Variants in GRM7 observed in about 807,000 individuals in gnomAD.
The protein encoded by GRM7 is metabotropic glutamate receptor 7.
GRM7 carries 35 observed loss-of-function variants against 84.5 expected under a neutral mutation model. That is an observed-to-expected ratio of 0.41 (90% CI 0.32 to 0.55). The LOEUF is 0.55. GRM7 is among the 20% of genes least tolerant of loss of function. GRM7 has a pLI of 0.19. For missense variants in GRM7, 1,003 were observed against 1,194.6 expected, an observed-to-expected ratio of 0.84 and a Z score of 2.36; for synonymous variants, 487 against 455.1, an observed-to-expected ratio of 1.07 and a Z score of -0.89.
chr3:7,481,041 C>G (rs1699108105), intron 7 of GRM7, among the ~76,000 whole-genome samples: 1 of 151,360 alleles, frequency 6.6e-6, no homozygotes, highest in Admixed American at 6.6e-5. Context: ...GGCCATTGGG[C>G]TACAAGATTT....
intron 1 of GRM7, among the ~76,000 whole-genome samples, chr3:7,131,731 C>A (rs1328220292): frequency 6.6e-6 from 1 of 152,092 alleles, no homozygotes; most frequent in African/African-American, 2.4e-5. Flanking sequence ...CCCGTCTCGG[C>A]CTCCCAACAT....
intron 5 of GRM7, among the ~76,000 whole-genome samples, chr3:7,433,550 A>G (rs1696919964): frequency 6.6e-6 from 1 of 152,196 alleles, no homozygotes; most frequent in South Asian, 2.1e-4. Context: ...ATATCGCCTT[A>G]CTTTGTTTCA....
intron 2 of GRM7, among the ~76,000 whole-genome samples, chr3:7,284,843 C>A (rs186403469): frequency 6.3e-4 from 96 of 152,080 alleles, no homozygotes; most frequent in African/African-American, 2.2e-3. Flanking sequence ...CAATAATAAT[C>A]ATGAAATGAA....
intron 4 of GRM7, among the ~76,000 whole-genome samples, chr3:7,345,508 T>A (rs1692850553): frequency 6.6e-6 from 1 of 152,060 alleles, no homozygotes; most frequent in Non-Finnish European, 1.5e-5. Flanking sequence ...GGTCTCGAAC[T>A]CCTGACGTCA....
intron 5 of GRM7, among the ~76,000 whole-genome samples, chr3:7,448,282 G>C (rs993173926): frequency 2.6e-5 from 4 of 151,702 alleles, no homozygotes; most frequent in Non-Finnish European, 5.9e-5. Context: ...GGATGGCTGG[G>C]TCAAATGGTA....
At chr3:6,868,144 A>G (rs17046203) in intron 1 of GRM7, among the ~76,000 whole-genome samples, 2,935 of 152,242 alleles carry the variant, frequency 0.019, 110 homozygotes, top group African/African-American at 0.067. Context: ...CCTGCAATGT[A>G]CATATTCTCA....
chr3:7,540,677 C>T (rs753237586), intron 7 of GRM7, among the ~76,000 whole-genome samples: 1 of 152,082 alleles, frequency 6.6e-6, no homozygotes, highest in African/African-American at 2.4e-5. Flanking sequence ...ATACTTTAAG[C>T]CACTGACTTA....
intron 1 of GRM7, among the ~76,000 whole-genome samples, chr3:7,099,090 G>A (rs146780059): frequency 1.5e-3 from 224 of 151,546 alleles, no homozygotes; most frequent in African/African-American, 5.0e-3. Context: ...CAGGCATAAT[G>A]TTCTTTAACT....
intron 2 of GRM7, among the ~76,000 whole-genome samples, chr3:7,234,894 T>C (rs1200218809): frequency 1.3e-5 from 2 of 152,194 alleles, no homozygotes; most frequent in Non-Finnish European, 2.9e-5. Flanking sequence ...AAGTCCTTCA[T>C]TAAACTCATT....
At chr3:7,596,715 G>T (rs1171569244) in intron 8 of GRM7, among the ~76,000 whole-genome samples, 1 of 152,136 alleles carries the variant, frequency 6.6e-6, no homozygotes, top group East Asian at 1.9e-4. Flanking sequence ...TTGATGGACT[G>T]GTATCAGTGA....
chr3:6,885,316 A>C (rs1203256595), intron 1 of GRM7, among the ~76,000 whole-genome samples: 1 of 152,222 alleles, frequency 6.6e-6, no homozygotes, highest in African/African-American at 2.4e-5. Context: ...GGAGTTCTGC[A>C]GTCATACTTA....
At position 7,360,137 on chromosome 3, in the gene GRM7, CTGTGTGTGTG is replaced by C. The variant is rs58123164; in HGVS notation, c.1033+53512_1033+53521del. ...CTTTCTCCCCCCCTTTTTTTTCCCT[CTGTGTGTGTG>C]TGTGTGTGTGTGTGTGTGTGTGTGT... On this transcript the variant is annotated intron_variant, in intron 4 of 9. Transcript: ENST00000357716. 2.5e-3 allele frequency among the ~76,000 whole-genome samples: 341 copies of C among 136,034 alleles called. 26 individuals carry two copies. Among genetic ancestry groups the C allele is most frequent in the African/African-American group, 8.5e-3 (292 of 34,286 alleles). 89.2% of individuals were successfully genotyped at this position (136,034 alleles called of 152,430 possible). A position where few individuals can be genotyped will look rare whatever the true frequency, so the allele number is the denominator to read the frequency against.
intron 4 of GRM7, among the ~76,000 whole-genome samples, chr3:7,356,708 CT>C (rs1467130864): frequency 6.6e-6 from 1 of 152,062 alleles, no homozygotes; most frequent in Non-Finnish European, 1.5e-5. Flanking sequence ...TGATGTTGTT[CT>C]TTGGCCTTTG....
intron 2 of GRM7, among the ~76,000 whole-genome samples, chr3:7,158,226 C>A (rs1490056413): frequency 2.0e-5 from 3 of 152,114 alleles, no homozygotes. Flanking sequence ...ATAAAACAAA[C>A]TTCCACAAGT....
intron 7 of GRM7, among the ~76,000 whole-genome samples, chr3:7,503,566 T>C (rs1559366366): frequency 6.6e-6 from 1 of 152,178 alleles, no homozygotes; most frequent in South Asian, 2.1e-4. Flanking sequence ...CTGAAAACAG[T>C]ATCTTCTAAT....
chr3:7,530,491 T>C (rs942578434), intron 7 of GRM7, among the ~76,000 whole-genome samples: 5 of 152,300 alleles, frequency 3.3e-5, no homozygotes, highest in African/African-American at 1.2e-4. Flanking sequence ...ATGGTATTTC[T>C]GGTTCTAGAT....
At chr3:6,941,519 AG>A (rs1456544245) in intron 1 of GRM7, among the ~76,000 whole-genome samples, 6 of 152,236 alleles carry the variant, frequency 3.9e-5, no homozygotes, top group African/African-American at 1.4e-4. Flanking sequence ...AGAACAAAAT[AG>A]ATGAGCTTTA....
intron 1 of GRM7, among the ~76,000 whole-genome samples, chr3:6,970,104 G>C (rs888978365): frequency 1.3e-5 from 2 of 152,070 alleles, no homozygotes; most frequent in African/African-American, 4.8e-5. Flanking sequence ...ACATTTCTAG[G>C]TACATCTTCC....
chr3:7,587,500 G>A lies in GRM7; in HGVS notation c.2451+8143G>A, dbSNP rs190234574. ...AGGAGAGGCTGTAATATAAATTAGC[G>A]GGACTATAAGAGCTGACACTGGAGA... On this transcript the variant is annotated intron_variant, in intron 8 of 9. Transcript: ENST00000357716. Among the ~76,000 whole-genome samples the A allele has an allele frequency of 5.3e-5, 8 of 152,268 alleles. No homozygotes were observed. In the East Asian group the frequency reaches 5.8e-4, roughly 11 times the overall value.
Sources: gnomAD v4.1 joint callset for allele counts (sites outside exome capture counted in the v4.1 genomes callset) on GRCh38, gnomAD v4.1.1 for gene constraint, MANE v1.5 for transcripts, NCBI Gene and HGNC (gene_info 2026-07-23, HGNC 2026-07-21) for gene names.